The following TPST1 variants were observed in gnomAD, a reference collection of about 807,000 sequenced individuals.
TPST1 encodes tyrosylprotein sulfotransferase 1.
In TPST1, 20 loss-of-function variants were observed where a neutral mutation model predicts 34.8. The observed-to-expected ratio is 0.57, with a 90% CI of 0.40 to 0.84. The LOEUF is 0.84. Among genes scored for constraint, TPST1 ranks in the 40% least tolerant of loss-of-function variants. The pLI is 0.00. For missense variants in TPST1, 353 were observed against 455.5 expected (o/e 0.78, Z 2.05); for synonymous variants, 152 against 159.4 (o/e 0.95, Z 0.35).
chr7:66,308,213 T>C (rs1791461600), intron 3 of TPST1, among the ~76,000 whole-genome samples: 2 of 152,212 alleles, frequency 1.3e-5, no homozygotes, highest in Non-Finnish European at 2.9e-5. Flanking sequence ...AAGCAAGGGC[T>C]CTTTCTCAAA....
chr7:66,240,953 T>A lies in TPST1; in HGVS notation c.528T>A (p.Asn176Lys). The A allele has an allele frequency of 6.2e-7, 1 of 1,614,212 alleles. No individual in the cohort carries two copies. Among genetic ancestry groups the A allele is most frequent in the Non-Finnish European group, 8.5e-7 (1 of 1,180,026 alleles). The change falls in exon 2 of 6, where the codon AAT (asparagine) becomes AAA (lysine). Residue 176 changes from asparagine (N) to lysine (K), a missense_variant. Coordinates refer to ENST00000304842, the MANE Select transcript of TPST1 (RefSeq NM_003596.4). ...SLTYLSRLFPNAKFLLMVRDG... is the reference protein window; with the variant it reads ...SLTYLSRLFPKAKFLLMVRDG... ...CTTACCTTTCTAGGTTATTCCCCAA[T>A]GCCAAATTTCTCCTGATGGTCCGAG...
intron 3 of TPST1, among the ~76,000 whole-genome samples, chr7:66,312,171 T>G (rs1791544504): frequency 6.6e-6 from 1 of 152,246 alleles, no homozygotes; most frequent in Non-Finnish European, 1.5e-5. Flanking sequence ...TCTGAAGGTC[T>G]ATGGGAAATT....
intron 1 of TPST1, among the ~76,000 whole-genome samples, chr7:66,225,167 T>C (rs1183814530): frequency 6.6e-6 from 1 of 151,416 alleles, no homozygotes; most frequent in East Asian, 2.0e-4. Context: ...TCCGCCTGCC[T>C]TGGCCTCCCA....
chr7:66,352,674 GA>G, intron 4 of TPST1, 119 bp downstream of exon 4: 1 of 1,530,428 alleles, frequency 6.5e-7, no homozygotes, highest in Non-Finnish European at 8.7e-7. Context: ...AAGAAAAGAA[GA>G]AAAGGGATAG....
chr7:66,227,349 G>A (rs185925876), intron 1 of TPST1, among the ~76,000 whole-genome samples: 51 of 152,012 alleles, frequency 3.4e-4, no homozygotes, highest in African/African-American at 1.1e-3. Context: ...GCCTTTAAGT[G>A]ACCATTTGGA....
At chr7:66,337,042 A>G (rs545820731) in intron 3 of TPST1, among the ~76,000 whole-genome samples, 1 of 152,284 alleles carries the variant, frequency 6.6e-6, no homozygotes, top group Non-Finnish European at 1.5e-5. Context: ...CAAGATAAAG[A>G]TTTTTCCAGA....
chr7:66,336,007 T>C (rs1446351722), intron 3 of TPST1, among the ~76,000 whole-genome samples: 3 of 152,160 alleles, frequency 2.0e-5, no homozygotes, highest in African/African-American at 7.2e-5. Context: ...AGAATAAGCC[T>C]CTTTAAAAAG....
intron 3 of TPST1, among the ~76,000 whole-genome samples, chr7:66,309,306 T>TA (rs2116105758): frequency 6.6e-6 from 1 of 152,338 alleles, no homozygotes; most frequent in East Asian, 1.9e-4. Flanking sequence ...AGGAAATTGT[T>TA]AGAGTTATTC....
intron 3 of TPST1, among the ~76,000 whole-genome samples, chr7:66,294,373 C>T (rs915703350): frequency 2.8e-5 from 4 of 141,086 alleles, no homozygotes; most frequent in Non-Finnish European, 4.4e-5. Context: ...ACCATATAAC[C>T]GTATCATGTT....
At chr7:66,254,999 T>C (rs1022040810) in intron 2 of TPST1, among the ~76,000 whole-genome samples, 2 of 151,748 alleles carry the variant, frequency 1.3e-5, no homozygotes, top group Non-Finnish European at 2.9e-5. Context: ...TACAAAAAAT[T>C]AGCCGGGCGT....
At chr7:66,317,705 T>A (rs1237117316) in intron 3 of TPST1, among the ~76,000 whole-genome samples, 1 of 152,172 alleles carries the variant, frequency 6.6e-6, no homozygotes, top group Non-Finnish European at 1.5e-5. Context: ...GCAGACCTAT[T>A]GTCCCTTTTT....
intron 3 of TPST1, among the ~76,000 whole-genome samples, chr7:66,304,063 A>G (rs1257621478): frequency 6.6e-6 from 1 of 152,200 alleles, no homozygotes; most frequent in East Asian, 1.9e-4. Context: ...GTTAAGTGTT[A>G]TAGGAGTGAG....
intron 1 of TPST1, among the ~76,000 whole-genome samples, chr7:66,225,644 TA>T (rs1187639416): frequency 2.0e-5 from 3 of 152,106 alleles, no homozygotes; most frequent in African/African-American, 7.2e-5. Context: ...AAGTAACGGA[TA>T]GAGGCCATGT....
At chr7:66,345,675 T>C (rs1792335523) in intron 3 of TPST1, among the ~76,000 whole-genome samples, 1 of 152,018 alleles carries the variant, frequency 6.6e-6, no homozygotes. Flanking sequence ...ATGTTTTTAA[T>C]TATGTTTTTC....
chr7:66,278,808 AAAG>A (rs1284991742), intron 2 of TPST1, among the ~76,000 whole-genome samples: 3 of 152,196 alleles, frequency 2.0e-5, no homozygotes, highest in African/African-American at 4.8e-5. Flanking sequence ...AAAAAAAAAA[AAAG>A]TTTATCATAG....
At chr7:66,293,532 A>T (rs918589156) in intron 3 of TPST1, among the ~76,000 whole-genome samples, 4 of 152,134 alleles carry the variant, frequency 2.6e-5, no homozygotes, top group Non-Finnish European at 5.9e-5. Flanking sequence ...AAGAAAAATT[A>T]TATTTGTAGA....
chr7:66,339,919 T>C (rs1165092023), intron 3 of TPST1, among the ~76,000 whole-genome samples: 6 of 148,744 alleles, frequency 4.0e-5, no homozygotes. Flanking sequence ...TCAATAAACA[T>C]AGTACATTAC....
intron 4 of TPST1, among the ~76,000 whole-genome samples, chr7:66,355,438 G>A (rs1347338899): frequency 6.6e-6 from 1 of 151,268 alleles, no homozygotes; most frequent in Non-Finnish European, 1.5e-5. Context: ...ACGTGCCACT[G>A]CACTCCAGCC....
At chr7:66,353,068 A>G (rs1792513365) in intron 4 of TPST1, 1 of 944,086 alleles carries the variant, frequency 1.1e-6, no homozygotes, top group African/African-American at 1.8e-5. Context: ...TAATCCCAGC[A>G]ATTTGTGAGA....
Sources: gnomAD v4.1 joint callset for allele counts (sites outside exome capture counted in the v4.1 genomes callset) on GRCh38, gnomAD v4.1.1 for gene constraint, MANE v1.5 for transcripts, NCBI Gene and HGNC (gene_info 2026-07-23, HGNC 2026-07-21) for gene names.